Variants in KAT6B observed in about 807,000 individuals in gnomAD.
KAT6B encodes lysine acetyltransferase 6B, also known as histone acetyltransferase KAT6B.
KAT6B carries 10 observed loss-of-function variants against 187.5 expected under a neutral mutation model. The ratio of observed to expected loss-of-function variants is 0.05; its 90% confidence interval spans 0.03 to 0.09. The LOEUF is 0.09. Among genes scored for constraint, KAT6B ranks in the 10% least tolerant of loss-of-function variants. The pLI, the probability that KAT6B is intolerant of heterozygous loss-of-function variation, is 1.00. For synonymous variants in KAT6B, 861 were observed against 926.8 expected (o/e 0.93, Z 1.29); for missense variants, 1,952 against 2,558.9 (o/e 0.76, Z 5.12).
chr10:74,941,378 A>T (rs1668745641), intron 3 of KAT6B, among the ~76,000 whole-genome samples: 1 of 152,278 alleles, frequency 6.6e-6, no homozygotes, highest in African/African-American at 2.4e-5. Flanking sequence ...CATTACAAGT[A>T]AATAGGAGAA....
chr10:75,027,913 G>C (rs769200039), intron 17 of KAT6B, among the ~76,000 whole-genome samples: 8 of 151,928 alleles, frequency 5.3e-5, no homozygotes, highest in Non-Finnish European at 8.8e-5. Context: ...ATTTGTTTTG[G>C]GTATTTAGTT....
Position 74,999,554 on chromosome 10 carries a change from T to C in KAT6B, c.2629+10442T>C, listed in dbSNP as rs997532792. 2.6e-5 allele frequency among the ~76,000 whole-genome samples: 4 copies of C among 152,102 alleles called. No individual in the cohort carries two copies. The East Asian group carries it at 7.7e-4, about 29-fold the overall frequency. Reference sequence around the variant, plus strand: ...AAGGGCCCAGAAGTCAGAAGAAAATTGGGAGATAATGGTGTTAGGAAAACC... The same window carrying C: ...AAGGGCCCAGAAGTCAGAAGAAAATCGGGAGATAATGGTGTTAGGAAAACC... On this transcript the variant is annotated intron_variant, in intron 13 of 17. Transcript: ENST00000287239.
intron 3 of KAT6B, among the ~76,000 whole-genome samples, chr10:74,845,715 T>C (rs1437382384): frequency 6.6e-6 from 1 of 151,120 alleles, no homozygotes; most frequent in African/African-American, 2.4e-5. Context: ...CTGGGCTAAG[T>C]ACAGTTTAGA....
At chr10:75,027,266 A>G (rs1374162435) in intron 17 of KAT6B, among the ~76,000 whole-genome samples, 2 of 152,226 alleles carry the variant, frequency 1.3e-5, no homozygotes, top group South Asian at 2.1e-4. Context: ...AACATTCTAC[A>G]TCACATATGT....
Position 74,937,933 on chromosome 10 carries a change from T to C in KAT6B, c.622-22037T>C, listed in dbSNP as rs1436945862. The stretch of plus-strand genomic sequence containing the variant: ...GGCTTTCACTATAGGGTTTAACTCT[T>C]TGGTGAATCCTCATATCGAAATGGT... On this transcript the variant is annotated intron_variant, in intron 3 of 17. Transcript: ENST00000287239. Among the ~76,000 whole-genome samples, 8 of 152,306 alleles carry C rather than the reference T, an allele frequency of 5.3e-5. No individual in the cohort carries two copies. The East Asian group carries it at 1.5e-3, about 29-fold the overall frequency.
intron 3 of KAT6B, among the ~76,000 whole-genome samples, chr10:74,855,307 TTAG>T (rs1226820135): frequency 2.0e-5 from 3 of 152,198 alleles, no homozygotes; most frequent in Non-Finnish European, 4.4e-5. Context: ...ACTGTTTCTG[TTAG>T]TAGTTTCTGA....
chr10:75,013,342 C>A (rs1248043586), intron 13 of KAT6B, among the ~76,000 whole-genome samples: 2 of 151,732 alleles, frequency 1.3e-5, no homozygotes, highest in African/African-American at 4.8e-5. Flanking sequence ...TTTCTTAAGA[C>A]CACTCCTGAG....
intron 3 of KAT6B, among the ~76,000 whole-genome samples, chr10:74,936,360 G>A (rs923857615): frequency 2.7e-5 from 4 of 149,242 alleles, no homozygotes; most frequent in Admixed American, 1.3e-4. Context: ...CCAAGACTGC[G>A]CCACTGCACT....
chr10:74,855,109 G>T (rs1224064578), intron 3 of KAT6B, among the ~76,000 whole-genome samples: 1 of 152,216 alleles, frequency 6.6e-6, no homozygotes, highest in Non-Finnish European at 1.5e-5. Flanking sequence ...AGATATCAGC[G>T]ACTCTTCCAC....
chr10:74,989,606 A>G (rs1470465358), intron 13 of KAT6B, among the ~76,000 whole-genome samples: 1 of 152,110 alleles, frequency 6.6e-6, no homozygotes, highest in Non-Finnish European at 1.5e-5. Flanking sequence ...TATTTTGTTA[A>G]TTTCCCTTTT....
Position 75,031,149 on chromosome 10 carries a change from G to T in KAT6B, c.*103G>T. ...TTCAAAACCAGCAATTGGTGTGAATGCAAAAACATTTGTTGGCACCATTTA... is the reference window on the plus strand; with the variant it reads ...TTCAAAACCAGCAATTGGTGTGAATTCAAAAACATTTGTTGGCACCATTTA... On this transcript the variant is annotated 3_prime_UTR_variant, in exon 18 of 18. Coordinates refer to ENST00000287239, the MANE Select transcript of KAT6B (RefSeq NM_012330.4). 7.7e-7 allele frequency: 1 copy of T among 1,305,288 alleles called. No homozygotes were observed. The highest frequency in any genetic ancestry group is 1.5e-5 in the African/African-American group (1 of 66,878). 80.9% of individuals were successfully genotyped at this position (1,305,288 alleles called of 1,614,324 possible). A position where few individuals can be genotyped will look rare whatever the true frequency, so the allele number is the denominator to read the frequency against.
At chr10:74,979,647 AAAG>A (rs537884924) in intron 10 of KAT6B, among the ~76,000 whole-genome samples, 1 of 152,160 alleles carries the variant, frequency 6.6e-6, no homozygotes, top group South Asian at 2.1e-4. Context: ...AAAAAAAAAA[AAAG>A]AAATTTGCCA....
intron 3 of KAT6B, among the ~76,000 whole-genome samples, chr10:74,910,083 AG>A (rs1847079646): frequency 1.3e-5 from 2 of 151,640 alleles, no homozygotes; most frequent in Non-Finnish European, 2.9e-5. Context: ...TGAGGTTGAC[AG>A]TTTGAGACCA....
chr10:74,992,694 A>G (rs1843191652), intron 13 of KAT6B, among the ~76,000 whole-genome samples: 1 of 152,250 alleles, frequency 6.6e-6, no homozygotes, highest in Non-Finnish European at 1.5e-5. Context: ...TCTTCAGGGC[A>G]GCAGAGTGAG....
At chr10:74,979,009 A>G (rs796849178) in intron 9 of KAT6B, among the ~76,000 whole-genome samples, 3 of 152,268 alleles carry the variant, frequency 2.0e-5, no homozygotes, top group Admixed American at 6.5e-5. Context: ...TTGGTGCAAA[A>G]GTAATTGTGG....
chr10:75,008,027 T>C (rs925794111), intron 13 of KAT6B, among the ~76,000 whole-genome samples: 1 of 152,224 alleles, frequency 6.6e-6, no homozygotes, highest in Non-Finnish European at 1.5e-5. Flanking sequence ...AAGTGTTGAG[T>C]CTAGTTCATT....
rs150637713 is a variant in KAT6B, at chr10:74,972,556, A to C, written c.978A>C (p.Leu326=). ...VCRPKKKGRK[L]LHEKAAQIKR... is the part of the protein sequence containing the mutation. The stretch of plus-strand genomic sequence containing the variant: ...GACCAAAGAAAAAGGGAAGAAAACT[A>C]CTTCATGAGAAAGCTGCACAAATAA... The change falls in exon 7 of 18, where the codon CTA becomes CTC. Residue 326 remains leucine (L), a synonymous_variant. Coordinates refer to ENST00000287239, the MANE Select transcript of KAT6B (RefSeq NM_012330.4). 1.9e-6 allele frequency: 3 copies of C among 1,611,214 alleles called. No individual in the cohort carries two copies. The African/African-American group carries it at 4.0e-5, about 22-fold the overall frequency.
intron 3 of KAT6B, among the ~76,000 whole-genome samples, chr10:74,923,229 G>A (rs986659676): frequency 6.6e-6 from 1 of 152,162 alleles, no homozygotes; most frequent in Non-Finnish European, 1.5e-5. Flanking sequence ...AAAAGGAGTA[G>A]GAGAAGTAGA....
Position 74,841,413 on chromosome 10 carries a change from A to G in KAT6B, c.-258-1187A>G, listed in dbSNP as rs531154219. ...AAACTCCATCTCTACTAAAAATACAAACATTAGCTGGGTGTGGTGGCACAT... is the reference window on the plus strand; with the variant it reads ...AAACTCCATCTCTACTAAAAATACAGACATTAGCTGGGTGTGGTGGCACAT... On this transcript the variant is annotated intron_variant, in intron 2 of 17. Coordinates refer to ENST00000287239, the MANE Select transcript of KAT6B (RefSeq NM_012330.4). Among the ~76,000 whole-genome samples the G allele has an allele frequency of 3.9e-5, 6 of 152,290 alleles. No homozygotes were observed. In the East Asian group the frequency reaches 1.2e-3, roughly 29 times the overall value.
Sources: gnomAD v4.1 joint callset for allele counts (sites outside exome capture counted in the v4.1 genomes callset) on GRCh38, gnomAD v4.1.1 for gene constraint, MANE v1.5 for transcripts, NCBI Gene and HGNC (gene_info 2026-07-23, HGNC 2026-07-21) for gene names.